The following RTTN variants were observed in gnomAD, a reference collection of about 807,000 sequenced individuals.
RTTN encodes rotatin.
A neutral mutation model predicts 269.2 loss-of-function variants in RTTN; 182 were observed. The ratio of observed to expected loss-of-function variants is 0.68; its 90% CI spans 0.60 to 0.76. The LOEUF (loss-of-function observed/expected upper bound fraction) is 0.76, where lower values mean the gene tolerates loss of function less well. Ranked by LOEUF, RTTN falls within the 30% of genes least tolerant of loss-of-function variation. The pLI is 0.00. For missense variants in RTTN, 2,545 were observed against 2,608.6 expected (o/e 0.98, Z 0.53); for synonymous variants, 1,006 against 963.5 (o/e 1.04, Z -0.82).
Position 70,086,694 on chromosome 18 carries a change from TAAAAAAAAAAAAAAAAAAAA to T in RTTN, c.4303-30_4303-11del, listed in dbSNP as rs531741265. On this transcript the variant is annotated splice_polypyrimidine_tract_variant and intron_variant, in intron 31 of 48. Transcript: ENST00000640769. ...GAAGAATAAATGCCGCCTGAAAATG[TAAAAAAAAAAAAAAAAAAAA>T]AAAAAAAAAAAAAAAAAAAGGTCAA... is the stretch of plus-strand genomic sequence containing the variant. 1.4e-3 allele frequency: 674 copies of T among 486,862 alleles called. 1 individual carries two copies. The highest frequency in any genetic ancestry group is 2.8e-3 in the East Asian group (79 of 28,564). The allele number at this position is 486,862 out of a possible 1,614,324, so 30.2% of individuals were successfully genotyped here. A position where few individuals can be genotyped will look rare whatever the true frequency, so the allele number is the denominator to read the frequency against.
rs2062061051 is a variant in RTTN, at chr18:70,205,625, TA to T, written c.31+2del. ...CTTGGGCGAGGGGCAAGCTGACAGT[TA>T]CCGAGTTTCCTGATGAGCCCTGCCA... is the stretch of plus-strand genomic sequence containing the variant. On this transcript the variant is annotated splice_donor_variant, in intron 1 of 48. Transcript: ENST00000640769. LOFTEE classifies it high-confidence loss of function. 1 of 1,613,950 alleles carries T rather than the reference TA, an allele frequency of 6.2e-7. No homozygotes were observed.
intron 17 of RTTN, among the ~76,000 whole-genome samples, chr18:70,147,180 C>A (rs2060414981): frequency 6.6e-6 from 1 of 152,170 alleles, no homozygotes; most frequent in African/African-American, 2.4e-5. Context: ...GTATGTCATT[C>A]TTTAAAACTT....
At chr18:70,033,859 A>ACAAAAGATCCAAAAAAC (rs2057092505) in intron 40 of RTTN, among the ~76,000 whole-genome samples, 1 of 27,560 alleles carries the variant, frequency 3.6e-5, no homozygotes, top group East Asian at 0.011. Flanking sequence ...ATCCAAATAA[A>ACAAAAGATCCAAAAAAC]CATAATGAGA....
At chr18:70,062,528 T>C (rs996860189) in intron 35 of RTTN, among the ~76,000 whole-genome samples, 1 of 152,144 alleles carries the variant, frequency 6.6e-6, no homozygotes, top group East Asian at 1.9e-4. Context: ...CTATAAATAC[T>C]CTTTATCATT....
At chr18:70,088,809 TA>T (rs2058767654) in intron 30 of RTTN, among the ~76,000 whole-genome samples, 3 of 152,284 alleles carry the variant, frequency 2.0e-5, no homozygotes, top group Admixed American at 2.0e-4. Context: ...TCAATGTGAC[TA>T]AAAAATGTAT....
In RTTN at chr18:70,109,480, T is replaced by C. The variant is rs564095242; in HGVS notation, c.3903+18A>G. 2.5e-6 allele frequency: 4 copies of C among 1,591,478 alleles called. No individual in the cohort carries two copies. Among genetic ancestry groups the C allele is most frequent in the Admixed American group, 1.7e-5 (1 of 59,990 alleles). On this transcript the variant is annotated intron_variant, in intron 28 of 48. Transcript: ENST00000640769. The stretch of plus-strand genomic sequence containing the variant: ...AGCAACTAATAGTAAATAACTACCA[T>C]ATGCTATTTTTACTTACCTCAAGGA...
intron 39 of RTTN, among the ~76,000 whole-genome samples, chr18:70,048,831 TATATGGGC>T (rs2057569456): frequency 1.3e-5 from 2 of 152,036 alleles, no homozygotes; most frequent in Non-Finnish European, 2.9e-5. Flanking sequence ...GTTTTAAATG[TATATGGGC>T]ATATGAGATG....
rs1555733799 is a variant in RTTN at position 70,109,528 on chromosome 18, G to C, written c.3873C>G (p.Ile1291Met). 1 of 1,614,018 alleles carries C rather than the reference G, an allele frequency of 6.2e-7. No individual in the cohort carries two copies. The highest frequency in any genetic ancestry group is 1.7e-5 in the Admixed American group (1 of 60,006). The change falls in exon 28 of 49, where the codon ATC becomes ATG. Residue 1291 changes from isoleucine to methionine, a missense_variant. Physicochemically the swap from Ile to Met is conservative, Grantham distance 10. Transcript: ENST00000640769. ...GGAGACCTGACAAGTACTTCACACA[G>C]ATATCTAGAGGCTTTGTGAGAGGAG... ...SHSPLTKPLD[I>M]CVKYLSGLLE...
chr18:70,205,565 C>G (rs1012576778), intron 1 of RTTN, 63 bp downstream of exon 1: 3 of 1,604,122 alleles, frequency 1.9e-6, no homozygotes, highest in Admixed American at 1.7e-5. Context: ...CGTGACACGA[C>G]CATTCTCAGC....
At chr18:70,029,891 T>A in intron 42 of RTTN, 121 bp downstream of exon 42, 1 of 671,352 alleles carries the variant, frequency 1.5e-6, no homozygotes, top group South Asian at 2.1e-5. Context: ...TCTCATTAAT[T>A]TATCCATCTG....
intron 28 of RTTN, among the ~76,000 whole-genome samples, chr18:70,099,481 C>T (rs1403827084): frequency 1.3e-5 from 2 of 151,984 alleles, no homozygotes; most frequent in Non-Finnish European, 2.9e-5. Flanking sequence ...TGGATATTAG[C>T]CCTTTGTCAG....
At chr18:70,184,250 G>T (rs1290312618) in intron 10 of RTTN, among the ~76,000 whole-genome samples, 1 of 152,154 alleles carries the variant, frequency 6.6e-6, no homozygotes, top group African/African-American at 2.4e-5. Flanking sequence ...ACAATGCAGA[G>T]ACAAATTAAA....
At chr18:70,202,110 G>T (rs1382770223) in intron 3 of RTTN, 127 bp from the exon 4 acceptor site, 5 of 564,950 alleles carry the variant, frequency 8.9e-6, no homozygotes, top group South Asian at 5.9e-5. Context: ...AAAAAGTCCA[G>T]TTTTTTTTCT....
At chr18:70,175,738 G>C (rs1413689728) in intron 11 of RTTN, among the ~76,000 whole-genome samples, 1 of 151,738 alleles carries the variant, frequency 6.6e-6, no homozygotes, top group South Asian at 2.1e-4. Flanking sequence ...AAACCAACTT[G>C]ACCAATACTT....
At chr18:70,144,385 A>G (rs2060335333) in intron 18 of RTTN, among the ~76,000 whole-genome samples, 1 of 152,132 alleles carries the variant, frequency 6.6e-6, no homozygotes, top group South Asian at 2.1e-4. Flanking sequence ...CCCCAGAGCA[A>G]ACAGCACTCT....
At chr18:70,190,446 G>GAT in intron 9 of RTTN, 92 bp downstream of exon 9, 3 of 787,498 alleles carry the variant, frequency 3.8e-6, no homozygotes, top group Non-Finnish European at 6.0e-6. Context: ...GATTCCAAAG[G>GAT]CCCTAACATA....
intron 46 of RTTN, among the ~76,000 whole-genome samples, chr18:70,013,630 T>A: frequency 6.6e-6 from 1 of 152,174 alleles, no homozygotes; most frequent in African/African-American, 2.4e-5. Context: ...GAGACAGTAT[T>A]TTTGAATATT....
chr18:70,184,599 A>ATAT (rs1160447491), intron 10 of RTTN, among the ~76,000 whole-genome samples: 1 of 151,902 alleles, frequency 6.6e-6, no homozygotes, highest in Non-Finnish European at 1.5e-5. Context: ...AAGTGAAGAC[A>ATAT]TATATATGGT....
chr18:70,162,487 G>A (rs112526689), intron 14 of RTTN, among the ~76,000 whole-genome samples: 1 of 152,134 alleles, frequency 6.6e-6, no homozygotes, highest in South Asian at 2.1e-4. Context: ...GAAGTCTCAG[G>A]AAATAATCAT....
Sources: allele counts gnomAD v4.1 joint callset (sites outside exome capture counted in the v4.1 genomes callset), GRCh38; gene constraint gnomAD v4.1.1; transcripts MANE v1.5; gene names NCBI Gene and HGNC (gene_info 2026-07-23, HGNC 2026-07-21).